PTPRN2: variants seen among roughly 807,000 people sequenced by gnomAD.
PTPRN2 encodes the protein protein tyrosine phosphatase receptor type N2.
In PTPRN2, 74 loss-of-function variants were observed where a neutral mutation model predicts 118.8. The ratio of observed to expected loss-of-function variants is 0.62; its 90% CI spans 0.52 to 0.76. The LOEUF (loss-of-function observed/expected upper bound fraction) is 0.76, where lower values mean the gene tolerates loss of function less well. Among genes scored for constraint, PTPRN2 ranks in the 30% least tolerant of loss-of-function variants. The pLI is 0.00. For synonymous variants in PTPRN2, 641 were observed against 608.0 expected (o/e 1.05, Z -0.80); for missense variants, 1,481 against 1,394.4 (o/e 1.06, Z -0.99).
rs549715881 is a variant in PTPRN2 at position 158,290,436 on chromosome 7, C to T, written c.277+26383G>A. Among the ~76,000 whole-genome samples the T allele has an allele frequency of 1.0e-3, 155 of 151,830 alleles. 1 individual carries two copies. Among genetic ancestry groups the T allele is most frequent in the Non-Finnish European group, 1.6e-3 (112 of 67,948 alleles). ...GAGGCCAATGGGGTCAACCTGTATGCGGAGTGGGCCCAGAGACTAAGTCCA... is the reference window on the plus strand; with the variant it reads ...GAGGCCAATGGGGTCAACCTGTATGTGGAGTGGGCCCAGAGACTAAGTCCA... On this transcript the variant is annotated intron_variant, in intron 3 of 22. Transcript: ENST00000389418.
At chr7:158,454,142 C>G (rs113266118) in intron 2 of PTPRN2, among the ~76,000 whole-genome samples, 14 of 140,118 alleles carry the variant, frequency 1.0e-4, no homozygotes, top group Admixed American at 2.1e-4. Context: ...TCACCGATGT[C>G]AGGATTGGGG....
chr7:157,833,500 G>A (rs1048790861), intron 12 of PTPRN2, among the ~76,000 whole-genome samples: 13 of 142,214 alleles, frequency 9.1e-5, no homozygotes, highest in South Asian at 2.3e-4. Context: ...GGAAGTATGC[G>A]ACGTGGCCGG....
chr7:157,565,750 G>A (rs1799453880), intron 21 of PTPRN2, among the ~76,000 whole-genome samples: 1 of 151,910 alleles, frequency 6.6e-6, no homozygotes, highest in Non-Finnish European at 1.5e-5. Flanking sequence ...GCACAACCTT[G>A]GAAAATATCT....
intron 12 of PTPRN2, among the ~76,000 whole-genome samples, chr7:157,807,890 G>GGTT (rs2151109799): frequency 6.6e-6 from 1 of 152,304 alleles, no homozygotes; most frequent in South Asian, 2.1e-4. Context: ...TGTTTACGTG[G>GGTT]GTTACCCTAC....
chr7:158,025,595 C>T (rs1346777408), intron 11 of PTPRN2, among the ~76,000 whole-genome samples: 4 of 152,222 alleles, frequency 2.6e-5, no homozygotes, highest in Non-Finnish European at 5.9e-5. Flanking sequence ...GCTAAAGAAA[C>T]ACACACATAT....
intron 11 of PTPRN2, among the ~76,000 whole-genome samples, chr7:158,076,801 C>T (rs1812394792): frequency 6.6e-6 from 1 of 152,222 alleles, no homozygotes; most frequent in African/African-American, 2.4e-5. Flanking sequence ...TCCACTGCCC[C>T]TAAGAACTCC....
chr7:158,078,938 C>T (rs1286347421), intron 11 of PTPRN2, among the ~76,000 whole-genome samples: 1 of 152,192 alleles, frequency 6.6e-6, no homozygotes, highest in African/African-American at 2.4e-5. Flanking sequence ...ACCTCTGCCT[C>T]TTGGGTTTAA....
chr7:157,797,960 T>G (rs1482285612), intron 12 of PTPRN2, among the ~76,000 whole-genome samples: 5 of 152,202 alleles, frequency 3.3e-5, no homozygotes, highest in African/African-American at 1.2e-4. Context: ...TACATTTCTT[T>G]AACGATTATT....
chr7:157,757,129 A>G, intron 12 of PTPRN2, among the ~76,000 whole-genome samples: 1 of 152,030 alleles, frequency 6.6e-6, no homozygotes, highest in Non-Finnish European at 1.5e-5. Flanking sequence ...CCCACCCCCT[A>G]AAGAGATCAT....
At chr7:158,342,206 C>T (rs1392985066) in intron 2 of PTPRN2, among the ~76,000 whole-genome samples, 2 of 143,612 alleles carry the variant, frequency 1.4e-5, no homozygotes, top group Admixed American at 1.4e-4. Context: ...CACTCACACC[C>T]ACACACGTCA....
chr7:158,096,209 T>C (rs1031157916), intron 10 of PTPRN2, among the ~76,000 whole-genome samples: 2 of 152,342 alleles, frequency 1.3e-5, no homozygotes, highest in African/African-American at 4.8e-5. Flanking sequence ...CACAGCCGTA[T>C]ACATAATTTG....
intron 16 of PTPRN2, among the ~76,000 whole-genome samples, chr7:157,602,677 C>T (rs150425867): frequency 4.7e-5 from 7 of 147,852 alleles, no homozygotes; most frequent in East Asian, 2.1e-4. Flanking sequence ...GAGCACCGTC[C>T]GTCATCAGTG....
chr7:157,611,133 C>T lies in PTPRN2; in HGVS notation c.2345-7058G>A, dbSNP rs1435481761. On this transcript the variant is annotated intron_variant, in intron 15 of 22. Transcript: ENST00000389418. The surrounding 1 kb of genome is among the most constrained non-coding windows in gnomAD (Gnocchi z 5.9). ...ACACTGGACGCGTCAAAAGCAGGTC[C>T]CAGAGGAGCAACAGTGGCCCCAAAT... Among the ~76,000 whole-genome samples, 2 of 152,170 alleles carry T rather than the reference C, an allele frequency of 1.3e-5. No homozygotes were observed. The highest frequency in any genetic ancestry group is 1.5e-5 in the Non-Finnish European group (1 of 68,036).
At chr7:158,363,231 G>A (rs1407703304) in intron 2 of PTPRN2, among the ~76,000 whole-genome samples, 3 of 151,770 alleles carry the variant, frequency 2.0e-5, no homozygotes, top group Non-Finnish European at 2.9e-5. Context: ...GAGGACGCTC[G>A]GGAGGCCACG....
rs796601916 is a variant in PTPRN2, at chr7:158,263,072, CAT to C, written c.277+53745_277+53746del. On this transcript the variant is annotated intron_variant, in intron 3 of 22. Coordinates refer to ENST00000389418, the MANE Select transcript of PTPRN2 (RefSeq NM_002847.5). ...CATATACATTCACATTGCACACACA[CAT>C]CACACACACCACACACATTCACACA... 5.0e-4 allele frequency among the ~76,000 whole-genome samples: 74 copies of C among 147,664 alleles called. No individual in the cohort carries two copies. The South Asian group carries it at 8.6e-3, about 17-fold the overall frequency.
chr7:157,847,579 C>T (rs1442357145), intron 12 of PTPRN2, among the ~76,000 whole-genome samples: 1 of 144,060 alleles, frequency 6.9e-6, no homozygotes, highest in African/African-American at 2.6e-5. Context: ...AGCCCTCTCT[C>T]ACTCCATCAT....
intron 1 of PTPRN2, among the ~76,000 whole-genome samples, chr7:158,533,229 T>C (rs1825384346): frequency 6.6e-6 from 1 of 152,166 alleles, no homozygotes; most frequent in Non-Finnish European, 1.5e-5. Flanking sequence ...AGCAACATCA[T>C]CTTCCTCAGT....
At chr7:157,745,798 G>A (rs1417868901) in intron 12 of PTPRN2, among the ~76,000 whole-genome samples, 2 of 152,128 alleles carry the variant, frequency 1.3e-5, no homozygotes, top group African/African-American at 2.4e-5. Flanking sequence ...CCAGGCAGTC[G>A]GTAAATGAAA....
At chr7:157,558,517 T>C (rs543926577) in intron 21 of PTPRN2, among the ~76,000 whole-genome samples, 3 of 152,250 alleles carry the variant, frequency 2.0e-5, no homozygotes, top group East Asian at 3.9e-4. Context: ...TCACACCAAA[T>C]TGTGAATATT....
Sources: gnomAD v4.1 joint callset for allele counts (sites outside exome capture counted in the v4.1 genomes callset) on GRCh38, gnomAD v4.1.1 for gene constraint, Gnocchi (gnomAD v3.1) non-coding constraint, MANE v1.5 for transcripts, NCBI Gene and HGNC (gene_info 2026-07-23, HGNC 2026-07-21) for gene names.